Variants in DOP1B observed in about 807,000 individuals in gnomAD.
DOP1B encodes the protein protein DOP1B.
DOP1B carries 174 observed loss-of-function variants against 233.5 expected under a neutral mutation model. That is an observed-to-expected ratio of 0.75 (90% confidence interval 0.66 to 0.85). DOP1B has a LOEUF of 0.85. DOP1B is among the 40% of genes least tolerant of loss of function. The pLI, the probability that DOP1B is intolerant of heterozygous loss-of-function variation, is 0.00. For missense variants in DOP1B, 2,652 were observed against 2,846.6 expected, an observed-to-expected ratio of 0.93 and a Z score of 1.56; for synonymous variants, 1,190 against 1,185.6, an observed-to-expected ratio of 1.00 and a Z score of -0.08.
chr21:36,259,626 G>A (rs1006679204), intron 23 of DOP1B, among the ~76,000 whole-genome samples: 2 of 152,210 alleles, frequency 1.3e-5, no homozygotes, highest in Admixed American at 6.5e-5. Context: ...TCCACAGGGC[G>A]GTCTGTGCTG....
At chr21:36,240,717 C>T (rs1397018202) in intron 18 of DOP1B, among the ~76,000 whole-genome samples, 1 of 151,968 alleles carries the variant, frequency 6.6e-6, no homozygotes, top group Non-Finnish European at 1.5e-5. Context: ...ACTAAATAAG[C>T]CTGATGAGTC....
At chr21:36,160,741 G>T (rs146033635) in intron 1 of DOP1B, among the ~76,000 whole-genome samples, 12,635 of 152,202 alleles carry the variant, frequency 0.083, 1,753 homozygotes, top group African/African-American at 0.29. Context: ...GCCTCCCGAA[G>T]TGCTGGGGTT....
At chr21:36,244,916 TG>T in intron 18 of DOP1B, 131 bp from the exon 19 acceptor site, 1 of 859,552 alleles carries the variant, frequency 1.2e-6, no homozygotes, top group Non-Finnish European at 1.7e-6. Flanking sequence ...CGGACTCTGG[TG>T]GTGGTGTTTC....
chr21:36,272,056 G>A (rs1051667103), intron 27 of DOP1B, among the ~76,000 whole-genome samples: 4 of 151,922 alleles, frequency 2.6e-5, no homozygotes, highest in African/African-American at 4.8e-5. Flanking sequence ...TTAATACAAC[G>A]TGAGAAAGGA....
At chr21:36,250,953 C>T (rs553799717) in intron 21 of DOP1B, among the ~76,000 whole-genome samples, 1 of 152,214 alleles carries the variant, frequency 6.6e-6, no homozygotes, top group African/African-American at 2.4e-5. Context: ...CGGCATGACA[C>T]GCCAACATCA....
intron 11 of DOP1B, among the ~76,000 whole-genome samples, chr21:36,224,129 T>C (rs1278253320): frequency 6.6e-6 from 1 of 152,128 alleles, no homozygotes; most frequent in African/African-American, 2.4e-5. Context: ...GGTTAGAGTA[T>C]GCTTTGGTCA....
chr21:36,276,219 C>G (rs2067348103), intron 27 of DOP1B, among the ~76,000 whole-genome samples: 1 of 152,048 alleles, frequency 6.6e-6, no homozygotes, highest in African/African-American at 2.4e-5. Flanking sequence ...ATCAAAATAT[C>G]CAGATTCTTA....
At chr21:36,158,044 C>A (rs2065835597) in intron 1 of DOP1B, among the ~76,000 whole-genome samples, 1 of 152,110 alleles carries the variant, frequency 6.6e-6, no homozygotes, top group African/African-American at 2.4e-5. Context: ...AGCAATCCTT[C>A]CACCTCGGCC....
chr21:36,270,753 A>G (rs1013123142), intron 27 of DOP1B, among the ~76,000 whole-genome samples: 1 of 150,990 alleles, frequency 6.6e-6, no homozygotes, highest in Admixed American at 6.6e-5. Context: ...ATCTTAACTA[A>G]AAATACAAAA....
chr21:36,244,221 C>T (rs1212064864), intron 18 of DOP1B, among the ~76,000 whole-genome samples: 1 of 151,640 alleles, frequency 6.6e-6, no homozygotes, highest in Non-Finnish European at 1.5e-5. Flanking sequence ...GGAGTTTCTC[C>T]ATGTTGGCCA....
At chr21:36,252,158 CAAA>C (rs2067038679) in intron 22 of DOP1B, among the ~76,000 whole-genome samples, 4 of 147,414 alleles carry the variant, frequency 2.7e-5, no homozygotes, top group African/African-American at 1.0e-4. Context: ...GCCTGGGCGA[CAAA>C]GCAAGTCCCT....
At chr21:36,288,416 G>C (rs1159439466) in intron 33 of DOP1B, among the ~76,000 whole-genome samples, 3 of 151,992 alleles carry the variant, frequency 2.0e-5, no homozygotes, top group African/African-American at 7.2e-5. Context: ...ATTTGGGCTG[G>C]GCGTGGTAGC....
chr21:36,222,881 A>G (rs921861790), intron 10 of DOP1B, among the ~76,000 whole-genome samples: 1 of 151,918 alleles, frequency 6.6e-6, no homozygotes, highest in African/African-American at 2.4e-5. Context: ...GATTACAGGT[A>G]TCCGCCATCA....
chr21:36,211,784 C>G lies in DOP1B; in HGVS notation c.780+133C>G. The G allele has an allele frequency of 1.2e-5, 15 of 1,301,802 alleles. No individual in the cohort carries two copies. The South Asian group carries it at 2.0e-4, about 17-fold the overall frequency. 80.6% of individuals were successfully genotyped at this position (1,301,802 alleles called of 1,614,324 possible). On this transcript the variant is annotated intron_variant, in intron 6 of 36. Coordinates refer to ENST00000691173, the MANE Select transcript of DOP1B (RefSeq NM_001320714.2). ...TATTTGCTGGTAGCCAGTGAAAAGT[C>G]CTTGTTCATTTTTGCAAGGATAGCG...
intron 2 of DOP1B, among the ~76,000 whole-genome samples, chr21:36,191,016 C>T (rs773507510): frequency 1.3e-5 from 2 of 152,136 alleles, no homozygotes; most frequent in African/African-American, 2.4e-5. Context: ...TCACCAAGAC[C>T]GACCATGAGG....
chr21:36,189,761 A>G (rs1190531734), intron 2 of DOP1B, among the ~76,000 whole-genome samples: 2 of 152,010 alleles, frequency 1.3e-5, no homozygotes, highest in African/African-American at 2.4e-5. Flanking sequence ...CTGTAATCCC[A>G]GCACTTTGGG....
chr21:36,164,713 T>C lies in DOP1B; in HGVS notation c.-21T>C. ...ATTTTTTGATTTGCTTTTAGATACTTTTCTGCTGTGAGAATGTAAGATGGA... is the reference window on the plus strand; with the variant it reads ...ATTTTTTGATTTGCTTTTAGATACTCTTCTGCTGTGAGAATGTAAGATGGA... On this transcript the variant is annotated 5_prime_UTR_variant, in exon 2 of 37. Transcript: ENST00000691173. 1 of 1,551,370 alleles carries C rather than the reference T, an allele frequency of 6.4e-7. No individual in the cohort carries two copies. The highest frequency in any genetic ancestry group is 8.7e-7 in the Non-Finnish European group (1 of 1,151,864).
At chr21:36,227,550 A>G (rs949791952) in intron 12 of DOP1B, 136 bp from the exon 13 acceptor site, 10 of 846,332 alleles carry the variant, frequency 1.2e-5, no homozygotes, top group East Asian at 5.7e-5. Flanking sequence ...CTGTCAAAAA[A>G]AAAGAAAGAA....
At chr21:36,226,327 T>C (rs554335897) in intron 12 of DOP1B, among the ~76,000 whole-genome samples, 1 of 152,176 alleles carries the variant, frequency 6.6e-6, no homozygotes, top group Non-Finnish European at 1.5e-5. Context: ...GACAGAGTTT[T>C]GCTCTTGTTG....
Sources: gnomAD v4.1 joint callset for allele counts (sites outside exome capture counted in the v4.1 genomes callset) on GRCh38, gnomAD v4.1.1 for gene constraint, MANE v1.5 for transcripts, NCBI Gene and HGNC (gene_info 2026-07-23, HGNC 2026-07-21) for gene names.